Variants in SNX25 observed in about 807,000 individuals in gnomAD.
The protein encoded by SNX25 is sorting nexin 25, also known as sorting nexin-25.
In SNX25, 62 loss-of-function variants were observed where a neutral mutation model predicts 113.7. The observed-to-expected ratio is 0.55, with a 90% CI of 0.44 to 0.67. The LOEUF (loss-of-function observed/expected upper bound fraction) is 0.67, where lower values mean the gene tolerates loss of function less well. Among genes scored for constraint, SNX25 ranks in the 30% least tolerant of loss-of-function variants. SNX25 has a pLI of 0.00. For synonymous variants in SNX25, 421 were observed against 436.2 expected (o/e 0.97, Z 0.43); for missense variants, 1,014 against 1,161.0 (o/e 0.87, Z 1.84).
chr4:185,308,161 T>C (rs936753993), intron 6 of SNX25, among the ~76,000 whole-genome samples: 6 of 152,210 alleles, frequency 3.9e-5, no homozygotes, highest in Non-Finnish European at 7.3e-5. Flanking sequence ...ACCCCAACCC[T>C]TGCCTTCAGG....
upstream of SNX25, among the ~76,000 whole-genome samples, chr4:185,208,700 C>T (rs1374434714): frequency 6.6e-6 from 1 of 151,810 alleles, no homozygotes; most frequent in Non-Finnish European, 1.5e-5. Context: ...TGCACTCCAG[C>T]CTGGGCAACA....
intron 7 of SNX25, among the ~76,000 whole-genome samples, chr4:185,315,475 G>A (rs1199040036): frequency 6.6e-6 from 1 of 151,896 alleles, no homozygotes; most frequent in Admixed American, 6.6e-5. Context: ...TGTATTTTTA[G>A]TAGAGACAGG....
intron 14 of SNX25, 172 bp from the exon 15 acceptor site, chr4:185,353,313 G>A: frequency 1.9e-6 from 1 of 519,664 alleles, no homozygotes; most frequent in Non-Finnish European, 3.4e-6. Context: ...CGAGAATCAA[G>A]CTTTTCTGAA....
At chr4:185,231,640 G>C (rs1299205722) in intron 1 of SNX25, among the ~76,000 whole-genome samples, 4 of 151,636 alleles carry the variant, frequency 2.6e-5, no homozygotes, top group Non-Finnish European at 4.4e-5. Context: ...GAACCCAGGA[G>C]GTGGAGGTTG....
the SNX25 span, chr4:185,378,015 G>T: frequency 8.0e-7 from 1 of 1,257,344 alleles, no homozygotes; most frequent in Non-Finnish European, 1.1e-6. Flanking sequence ...TGTCTCGTTT[G>T]CTCTAGCATG....
rs868681444 is a variant in SNX25, at chr4:185,339,387, C to T, written c.1923C>T (p.Ser641=). 6.2e-7 allele frequency: 1 copy of T among 1,613,508 alleles called. No homozygotes were observed. Among genetic ancestry groups the T allele is most frequent in the Non-Finnish European group, 8.5e-7 (1 of 1,179,754 alleles). Residue 641 remains serine, a synonymous_variant, in exon 11 of 19, where the codon TCC becomes TCT. Transcript: ENST00000652585. ...NAPKPDKKIV[S]KLKDEIILIE... is the part of the protein sequence containing the mutation. ...TATTTTCCCTGTGGCAGATTGTTTC[C>T]AAGTTGAAGGATGAAATAATCCTAA...
At position 185,334,192 on chromosome 4, in the gene SNX25, A is replaced by T. The variant is rs183054916; in HGVS notation, c.1914+1433A>T. The stretch of plus-strand genomic sequence containing the variant: ...TGTGTCTACTAAAAATACAAAAATT[A>T]GCCAGGCATGGTGGCATGCATGGTA... On this transcript the variant is annotated intron_variant, in intron 10 of 18. Coordinates refer to ENST00000652585, the MANE Select transcript of SNX25 (RefSeq NM_001378034.2). This position sits in a 1 kb window ranked among gnomAD's most constrained non-coding sequence, Gnocchi z 4.2. Among the ~76,000 whole-genome samples the T allele has an allele frequency of 3.9e-5, 6 of 152,232 alleles. No individual in the cohort carries two copies. In the East Asian group the frequency reaches 1.2e-3, roughly 29 times the overall value.
chr4:185,289,020 G>C (rs1332358437), intron 6 of SNX25, among the ~76,000 whole-genome samples: 1 of 152,204 alleles, frequency 6.6e-6, no homozygotes, highest in Non-Finnish European at 1.5e-5. Context: ...AAGGAAGCTT[G>C]GGCTGGGGAC....
At chr4:185,294,872 T>C (rs1458768778) in intron 6 of SNX25, among the ~76,000 whole-genome samples, 2 of 152,054 alleles carry the variant, frequency 1.3e-5, no homozygotes, top group East Asian at 3.8e-4. Context: ...TCGTTGTCCT[T>C]ACTTTTTCTT....
At chr4:185,362,264 T>C in intron 17 of SNX25, 159 bp downstream of exon 17, 1 of 985,392 alleles carries the variant, frequency 1.0e-6, no homozygotes, top group Non-Finnish European at 1.2e-6. Context: ...GCTAAGAAGT[T>C]ATACTGAGAA....
chr4:185,374,015 A>G (rs1006375576), downstream of SNX25: 1 of 791,684 alleles, frequency 1.3e-6, no homozygotes, highest in Non-Finnish European at 2.0e-6. Flanking sequence ...TGCTTTCTTT[A>G]CATTTAAAGG....
rs1755139307 is a variant in SNX25 at position 185,310,828 on chromosome 4, T to C, written c.1344+12T>C. On this transcript the variant is annotated intron_variant, in intron 7 of 18. Coordinates refer to ENST00000652585, the MANE Select transcript of SNX25 (RefSeq NM_001378034.2). Reference sequence around the variant, plus strand: ...CTCAAAGCCAGAAGGTAGAACTTTATAGTTTCTTGTTTTGACCCTACCAAG... The same window carrying C: ...CTCAAAGCCAGAAGGTAGAACTTTACAGTTTCTTGTTTTGACCCTACCAAG... The C allele has an allele frequency of 6.3e-7, 1 of 1,591,126 alleles. No homozygotes were observed. Among genetic ancestry groups the C allele is most frequent in the African/African-American group, 1.4e-5 (1 of 73,758 alleles).
intron 1 of SNX25, among the ~76,000 whole-genome samples, chr4:185,240,306 C>T (rs1206708807): frequency 1.3e-5 from 2 of 152,084 alleles, no homozygotes; most frequent in African/African-American, 4.8e-5. Context: ...GGGGTGGTGG[C>T]CGGGCAGAGG....
intron 1 of SNX25, among the ~76,000 whole-genome samples, chr4:185,215,155 G>C (rs954695323): frequency 8.5e-5 from 13 of 152,146 alleles, no homozygotes; most frequent in African/African-American, 3.1e-4. Context: ...CGTGAACCCG[G>C]GAGGCGGAGC....
intron 3 of SNX25, among the ~76,000 whole-genome samples, chr4:185,261,804 AAAAATAAAGAAC>A (rs1747374371): frequency 6.6e-6 from 1 of 152,180 alleles, no homozygotes; most frequent in South Asian, 2.1e-4. Context: ...GTTGATGATA[AAAAATAAAGAAC>A]AAAATAAAGA....
At chr4:185,269,275 C>G (rs1167537339) in intron 5 of SNX25, among the ~76,000 whole-genome samples, 1 of 152,094 alleles carries the variant, frequency 6.6e-6, no homozygotes, top group Non-Finnish European at 1.5e-5. Context: ...ACACACACAC[C>G]CCAAACTCTA....
At chr4:185,241,606 T>C (rs1421476719) in intron 1 of SNX25, among the ~76,000 whole-genome samples, 2 of 138,446 alleles carry the variant, frequency 1.4e-5, no homozygotes, top group Non-Finnish European at 3.1e-5. Context: ...TGTATTTTTT[T>C]TTTTACAGGA....
downstream of SNX25, chr4:185,374,313 G>A (rs759443875): frequency 3.5e-5 from 57 of 1,613,922 alleles, no homozygotes; most frequent in South Asian, 5.7e-4. Flanking sequence ...TCTCAGGTAG[G>A]ATTACCTTTC....
intron 1 of SNX25, among the ~76,000 whole-genome samples, chr4:185,240,303 TG>T (rs1743554581): frequency 6.6e-6 from 1 of 151,714 alleles, no homozygotes; most frequent in African/African-American, 2.4e-5. Flanking sequence ...GATGGGGTGG[TG>T]GCCGGGCAGA....
Sources: allele counts gnomAD v4.1 joint callset (sites outside exome capture counted in the v4.1 genomes callset), GRCh38; gene constraint gnomAD v4.1.1; non-coding constraint Gnocchi (gnomAD v3.1); transcripts MANE v1.5; gene names NCBI Gene and HGNC (gene_info 2026-07-23, HGNC 2026-07-21).